NLGN1: variants seen among roughly 807,000 people sequenced by gnomAD.
The protein encoded by NLGN1 is neuroligin 1, also known as neuroligin-1.
In NLGN1, 12 loss-of-function variants were observed where a neutral mutation model predicts 65.5. The observed-to-expected ratio is 0.18, with a 90% CI of 0.12 to 0.30. The LOEUF is 0.30. Ranked by LOEUF, NLGN1 falls within the 10% of genes least tolerant of loss-of-function variation. The pLI, the probability that NLGN1 is intolerant of heterozygous loss-of-function variation, is 1.00. For synonymous variants in NLGN1, 350 were observed against 359.5 expected (o/e 0.97, Z 0.30); for missense variants, 750 against 1,007.1 (o/e 0.74, Z 3.46).
intron 3 of NLGN1, among the ~76,000 whole-genome samples, chr3:173,790,275 G>C (rs1040743553): frequency 2.6e-5 from 4 of 152,030 alleles, no homozygotes; most frequent in Admixed American, 2.6e-4. Context: ...CCCTAAAGTA[G>C]TTGCACAGAA....
At chr3:173,984,395 T>C (rs1160964728) in intron 4 of NLGN1, among the ~76,000 whole-genome samples, 1 of 152,188 alleles carries the variant, frequency 6.6e-6, no homozygotes, top group Non-Finnish European at 1.5e-5. Flanking sequence ...TTCTACAAAA[T>C]GCTAATTCAT....
chr3:173,706,093 C>T lies in NLGN1; in HGVS notation c.493+101002C>T, dbSNP rs1768004131. ...AATTTTCGTGCTCCTTGCAATAAGTCAATAGTGTTAGTGTTAAATAGAGCA... is the reference window on the plus strand; with the variant it reads ...AATTTTCGTGCTCCTTGCAATAAGTTAATAGTGTTAGTGTTAAATAGAGCA... On this transcript the variant is annotated intron_variant, in intron 3 of 6. Coordinates refer to ENST00000457714, the Ensembl canonical transcript of NLGN1. Among the ~76,000 whole-genome samples, 3 of 152,208 alleles carry T rather than the reference C, an allele frequency of 2.0e-5. No individual in the cohort carries two copies. The South Asian group carries it at 6.2e-4, about 32-fold the overall frequency.
chr3:174,159,315 AC>A (rs1409341434), intron 4 of NLGN1, among the ~76,000 whole-genome samples: 1 of 151,738 alleles, frequency 6.6e-6, no homozygotes, highest in African/African-American at 2.4e-5. Flanking sequence ...GTGTTACTTA[AC>A]TACAGACAAA....
exon 7 of NLGN1, chr3:174,283,222 A>G (rs1383628429): frequency 6.6e-6 from 1 of 151,490 alleles, no homozygotes; most frequent in Non-Finnish European, 1.5e-5. Flanking sequence ...GTTTTTGAAG[A>G]CATATAGGTA....
intron 3 of NLGN1, among the ~76,000 whole-genome samples, chr3:173,718,965 A>G (rs1048198099): frequency 6.6e-6 from 1 of 152,218 alleles, no homozygotes; most frequent in Admixed American, 6.6e-5. Context: ...GAAAGGAACT[A>G]ACATAATGAA....
intron 4 of NLGN1, among the ~76,000 whole-genome samples, chr3:173,952,025 A>G (rs1323443071): frequency 6.6e-6 from 1 of 152,132 alleles, no homozygotes; most frequent in Non-Finnish European, 1.5e-5. Flanking sequence ...ATTGCACCTG[A>G]TATTGTAGCC....
chr3:173,572,337 A>T (rs1419321954), intron 2 of NLGN1, among the ~76,000 whole-genome samples: 2 of 152,260 alleles, frequency 1.3e-5, no homozygotes, highest in Admixed American at 6.5e-5. Flanking sequence ...TCTGGTAAAA[A>T]TTAAGCAGAT....
At chr3:174,292,901 GA>G in the NLGN1 span, among the ~76,000 whole-genome samples, 4 of 151,232 alleles carry the variant, frequency 2.6e-5, no homozygotes, top group Non-Finnish European at 5.9e-5. Flanking sequence ...TCAACTGTCA[GA>G]AAATACATAG....
intron 4 of NLGN1, among the ~76,000 whole-genome samples, chr3:173,874,469 A>G (rs528556274): frequency 2.0e-5 from 3 of 152,382 alleles, no homozygotes; most frequent in Admixed American, 2.0e-4. Context: ...TAGCCAGTGA[A>G]TAATAACATC....
intron 4 of NLGN1, among the ~76,000 whole-genome samples, chr3:173,826,957 A>G (rs955538204): frequency 3.3e-5 from 5 of 152,094 alleles, no homozygotes; most frequent in African/African-American, 4.8e-5. Context: ...AACATATTTC[A>G]TCAGCAAGTA....
At chr3:174,111,976 G>A (rs1043226616) in intron 4 of NLGN1, among the ~76,000 whole-genome samples, 3 of 151,798 alleles carry the variant, frequency 2.0e-5, no homozygotes, top group Non-Finnish European at 4.4e-5. Context: ...TGCCAATTTG[G>A]AACTTCTGTT....
chr3:173,855,057 A>G (rs1045778466), intron 4 of NLGN1, among the ~76,000 whole-genome samples: 2 of 152,170 alleles, frequency 1.3e-5, no homozygotes, highest in Non-Finnish European at 2.9e-5. Flanking sequence ...GTTAGAAAGA[A>G]GGAATAAAAG....
intron 2 of NLGN1, among the ~76,000 whole-genome samples, chr3:173,497,596 A>C (rs946759875): frequency 2.0e-5 from 3 of 151,768 alleles, no homozygotes; most frequent in African/African-American, 7.3e-5. Flanking sequence ...CAAAATAATT[A>C]AACAACCAAA....
chr3:173,970,412 A>G (rs915318831), intron 4 of NLGN1, among the ~76,000 whole-genome samples: 1 of 152,126 alleles, frequency 6.6e-6, no homozygotes, highest in Non-Finnish European at 1.5e-5. Flanking sequence ...AAGGAATGGC[A>G]ATTTAAGGAG....
chr3:173,558,467 A>C (rs536150763), intron 2 of NLGN1, among the ~76,000 whole-genome samples: 10 of 152,154 alleles, frequency 6.6e-5, no homozygotes, highest in Non-Finnish European at 1.2e-4. Flanking sequence ...AAAGTAGTTA[A>C]TATCATGTCA....
chr3:173,465,974 G>T (rs1724274732), intron 2 of NLGN1, among the ~76,000 whole-genome samples: 1 of 152,122 alleles, frequency 6.6e-6, no homozygotes, highest in South Asian at 2.1e-4. Context: ...GTAAACATGA[G>T]AATAGAAATG....
At chr3:173,670,494 C>A in intron 3 of NLGN1, among the ~76,000 whole-genome samples, 1 of 151,878 alleles carries the variant, frequency 6.6e-6, no homozygotes, top group Non-Finnish European at 1.5e-5. Context: ...TAGAAGTGTG[C>A]CATTTGCTAA....
chr3:173,409,612 A>G (rs935449243), intron 1 of NLGN1, among the ~76,000 whole-genome samples: 1 of 152,138 alleles, frequency 6.6e-6, no homozygotes, highest in African/African-American at 2.4e-5. Flanking sequence ...AATGTCTCTT[A>G]CACACGTCTC....
intron 3 of NLGN1, among the ~76,000 whole-genome samples, chr3:173,656,017 G>A (rs1300960800): frequency 6.6e-6 from 1 of 152,126 alleles, no homozygotes; most frequent in African/African-American, 2.4e-5. Context: ...TTTTTTGGGG[G>A]TTTAAATATC....
Sources: allele counts gnomAD v4.1 joint callset (sites outside exome capture counted in the v4.1 genomes callset), GRCh38; gene constraint gnomAD v4.1.1; transcripts MANE v1.5; gene names NCBI Gene and HGNC (gene_info 2026-07-23, HGNC 2026-07-21).